Variants in RP1 observed in about 807,000 individuals in gnomAD.
RP1 encodes the protein oxygen-regulated protein 1.
In RP1, 16 loss-of-function variants were observed where a neutral mutation model predicts 14.8. That is an observed-to-expected ratio of 1.08 (90% CI 0.73 to 1.65). The LOEUF (loss-of-function observed/expected upper bound fraction) is 1.65, where lower values mean the gene tolerates loss of function less well. RP1 is among the 40% of genes most tolerant of loss of function. RP1 has a pLI of 0.00. For synonymous variants in RP1, 876 were observed against 883.6 expected, an observed-to-expected ratio of 0.99 and a Z score of 0.15; for missense variants, 2,631 against 2,535.0, an observed-to-expected ratio of 1.04 and a Z score of -0.81.
intron 1 of RP1, chr8:54,559,458 A>G (rs1316214467): frequency 6.6e-6 from 1 of 152,166 alleles, no homozygotes; most frequent in African/African-American, 2.4e-5. Flanking sequence ...GCTTAATGGT[A>G]TGGAAAATAT....
intron 15 of RP1, among the ~76,000 whole-genome samples, chr8:54,708,735 G>C (rs1449594599): frequency 6.7e-6 from 1 of 149,234 alleles, no homozygotes; most frequent in Non-Finnish European, 1.5e-5. Context: ...TTTTTTCTCA[G>C]TGTGCTGGTT....
intron 3 of RP1, 98 bp from the exon 4 acceptor site, chr8:54,624,568 CTCTT>C: frequency 8.9e-7 from 1 of 1,129,504 alleles, no homozygotes; most frequent in Non-Finnish European, 1.3e-6. Context: ...TTCCCCTTTT[CTCTT>C]TCTTTTTTTG....
intron 3 of RP1, among the ~76,000 whole-genome samples, chr8:54,646,987 C>T (rs75852239): frequency 0.029 from 4,471 of 152,186 alleles, 128 homozygotes; most frequent in African/African-American, 0.066. Context: ...AAAGACAGAC[C>T]ATCCTTGACT....
At chr8:54,846,754 A>G (rs892832065) in intron 25 of RP1, among the ~76,000 whole-genome samples, 2 of 152,070 alleles carry the variant, frequency 1.3e-5, no homozygotes, top group African/African-American at 4.8e-5. Context: ...GTTCCTGGAT[A>G]TCATCCTCAT....
At chr8:54,655,685 C>T (rs767268087) in intron 5 of RP1, among the ~76,000 whole-genome samples, 11 of 152,054 alleles carry the variant, frequency 7.2e-5, no homozygotes, top group Non-Finnish European at 1.0e-4. Flanking sequence ...GAAGAAATTG[C>T]CATGTTTGAC....
chr8:54,571,402 TATC>T (rs1288350321), intron 1 of RP1, among the ~76,000 whole-genome samples: 1 of 152,172 alleles, frequency 6.6e-6, no homozygotes. Context: ...GTGCCTAACA[TATC>T]ATAGGTGCTT....
At chr8:54,798,435 A>G (rs1008847926) in intron 24 of RP1, among the ~76,000 whole-genome samples, 1 of 152,246 alleles carries the variant, frequency 6.6e-6, no homozygotes, top group African/African-American at 2.4e-5. Flanking sequence ...CCAGGAATAC[A>G]TTAAGGAAAC....
chr8:54,584,247 T>C (rs964387903), intron 1 of RP1, among the ~76,000 whole-genome samples: 13 of 152,242 alleles, frequency 8.5e-5, no homozygotes, highest in Non-Finnish European at 1.9e-4. Context: ...TCTGTCTTCA[T>C]TTCGTTATGT....
chr8:54,733,035 G>A (rs929617419), intron 17 of RP1, among the ~76,000 whole-genome samples: 2 of 152,156 alleles, frequency 1.3e-5, no homozygotes, highest in African/African-American at 4.8e-5. Flanking sequence ...GATGATGAAT[G>A]TTAAGTGCTT....
chr8:54,579,930 C>T lies in RP1; in HGVS notation c.-13+20610C>T, dbSNP rs1804745328. On this transcript the variant is annotated intron_variant, in intron 1 of 22. Transcript: ENST00000636932. ...GCCTGTCTCCTGGGAGTGCAGTGCT[C>T]TGCTCCCTCACATTCCTCCTGGGCT... Among the ~76,000 whole-genome samples the T allele has an allele frequency of 2.6e-5, 4 of 152,306 alleles. No individual in the cohort carries two copies. In the South Asian group the frequency reaches 6.2e-4, roughly 24 times the overall value.
chr8:54,778,918 G>A (rs182433537), intron 23 of RP1, among the ~76,000 whole-genome samples: 162 of 152,196 alleles, frequency 1.1e-3, no homozygotes, highest in African/African-American at 3.2e-3. Context: ...GTAATATTAC[G>A]TCAGCATGGA....
chr8:54,571,814 T>C (rs1804530113), intron 1 of RP1, among the ~76,000 whole-genome samples: 1 of 152,156 alleles, frequency 6.6e-6, no homozygotes, highest in African/African-American at 2.4e-5. Context: ...TTAGCATTTC[T>C]TGGCTTGAGG....
At chr8:54,759,892 A>G (rs1255892239) in intron 22 of RP1, among the ~76,000 whole-genome samples, 5 of 152,170 alleles carry the variant, frequency 3.3e-5, no homozygotes, top group Admixed American at 3.3e-4. Flanking sequence ...GAAAATTTGA[A>G]TCTTCAATAT....
At chr8:54,679,509 T>A (rs1807375794) in intron 10 of RP1, 1 of 1,535,700 alleles carries the variant, frequency 6.5e-7, no homozygotes, top group South Asian at 1.2e-5. Context: ...AGGTATCATG[T>A]ATACACATTT....
rs138441830 is a variant in RP1 at position 54,610,837 on chromosome 8, C to A, written c.-12-10118C>A. ...TTACAATGCCCTCCTAATTGGCGTA[C>A]CTGAATTTCTTTTTTTACAATCTAA... On this transcript the variant is annotated intron_variant, in intron 1 of 22. Transcript: ENST00000636932. Among the ~76,000 whole-genome samples, 209 of 152,284 alleles carry A rather than the reference C, an allele frequency of 1.4e-3. 1 individual carries two copies. Among genetic ancestry groups the A allele is most frequent in the African/African-American group, 4.7e-3 (194 of 41,570 alleles).
At chr8:54,632,634 A>G (rs187437863), downstream of RP1, among the ~76,000 whole-genome samples, 42 of 152,270 alleles carry the variant, frequency 2.8e-4, no homozygotes, top group African/African-American at 9.9e-4. Context: ...GGATGTGCAA[A>G]TATGCTGAAG....
At chr8:54,607,138 A>T (rs529851268) in intron 1 of RP1, among the ~76,000 whole-genome samples, 2 of 152,072 alleles carry the variant, frequency 1.3e-5, no homozygotes, top group East Asian at 3.9e-4. Flanking sequence ...TAGAGTTTCC[A>T]GTTTTTCTGC....
At chr8:54,770,426 A>G (rs1809873005), downstream of RP1, among the ~76,000 whole-genome samples, 1 of 151,606 alleles carries the variant, frequency 6.6e-6, no homozygotes, top group South Asian at 2.1e-4. Context: ...TATTTTCCAA[A>G]TGGTTAAATT....
At chr8:54,708,896 G>C (rs886274746) in intron 15 of RP1, among the ~76,000 whole-genome samples, 2 of 152,154 alleles carry the variant, frequency 1.3e-5, no homozygotes, top group Non-Finnish European at 2.9e-5. Context: ...GAAGTCCTTG[G>C]CATTCAATTG....
Sources: gnomAD v4.1 joint callset for allele counts (sites outside exome capture counted in the v4.1 genomes callset) on GRCh38, gnomAD v4.1.1 for gene constraint, MANE v1.5 for transcripts, NCBI Gene and HGNC (gene_info 2026-07-23, HGNC 2026-07-21) for gene names.